Variants in NRG3 observed in about 807,000 individuals in gnomAD.
NRG3 encodes pro-neuregulin-3, membrane-bound isoform.
Under a neutral mutation model 66.9 loss-of-function variants are expected in NRG3, and 31 were observed. That is an observed-to-expected ratio of 0.46 (90% CI 0.35 to 0.63). NRG3 has a LOEUF of 0.63. Ranked by LOEUF, NRG3 falls within the 20% of genes least tolerant of loss-of-function variation. NRG3 has a pLI of 0.00. For synonymous variants in NRG3, 393 were observed against 359.4 expected (o/e 1.09, Z -1.06); for missense variants, 910 against 878.9 (o/e 1.04, Z -0.45).
intron 2 of NRG3, among the ~76,000 whole-genome samples, chr10:82,701,328 T>G (rs147293137): frequency 0.011 from 1,630 of 152,222 alleles, 25 homozygotes; most frequent in African/African-American, 0.038. Flanking sequence ...AAAATAACAT[T>G]TTATTTTCCC....
chr10:82,408,966 T>G (rs2136132832), intron 2 of NRG3, among the ~76,000 whole-genome samples: 1 of 152,260 alleles, frequency 6.6e-6, no homozygotes, highest in East Asian at 1.9e-4. Flanking sequence ...ATGCCATATA[T>G]CAGCATTATG....
At chr10:82,768,712 C>T (rs2059607847) in intron 3 of NRG3, among the ~76,000 whole-genome samples, 1 of 152,068 alleles carries the variant, frequency 6.6e-6, no homozygotes, top group Admixed American at 6.6e-5. Context: ...AAATATCTCA[C>T]TTTATTTTAA....
chr10:82,346,059 C>T (rs1296342068), intron 1 of NRG3, among the ~76,000 whole-genome samples: 1 of 150,448 alleles, frequency 6.6e-6, no homozygotes, highest in Non-Finnish European at 1.5e-5. Flanking sequence ...CCTTTATTTC[C>T]TTCTCCTGCC....
chr10:82,120,186 G>A (rs1167217356), intron 1 of NRG3, among the ~76,000 whole-genome samples: 1 of 152,034 alleles, frequency 6.6e-6, no homozygotes, highest in African/African-American at 2.4e-5. Flanking sequence ...CAGAAAGTCC[G>A]AGCCGTTTCT....
At chr10:82,916,111 A>G (rs1003366112) in intron 4 of NRG3, among the ~76,000 whole-genome samples, 10 of 152,124 alleles carry the variant, frequency 6.6e-5, no homozygotes, top group African/African-American at 1.9e-4. Flanking sequence ...TCTGAATAGA[A>G]CTGTTATGAC....
In NRG3 at chr10:82,465,682, G is replaced by T. The variant is rs187805332; in HGVS notation, c.953+106814G>T. On this transcript the variant is annotated intron_variant, in intron 2 of 8. Transcript: ENST00000372141. ...CAGGGCCCAGAACCTGGGCTCTTAG[G>T]GGGTGGGGGGCAGCAGAACAGAACA... 2.4e-3 allele frequency among the ~76,000 whole-genome samples: 358 copies of T among 152,248 alleles called. 2 individuals carry two copies. Among genetic ancestry groups the T allele is most frequent in the Non-Finnish European group, 2.7e-3 (183 of 68,026 alleles).
chr10:81,910,293 T>C (rs1028657476), intron 1 of NRG3, among the ~76,000 whole-genome samples: 3 of 152,158 alleles, frequency 2.0e-5, no homozygotes, highest in Admixed American at 6.6e-5. Flanking sequence ...GAGAAATAAC[T>C]ACTCAGGGCA....
intron 2 of NRG3, among the ~76,000 whole-genome samples, chr10:82,469,572 C>G (rs1841032531): frequency 6.6e-6 from 1 of 152,122 alleles, no homozygotes; most frequent in Non-Finnish European, 1.5e-5. Context: ...GTGATCATGG[C>G]TAGGCCATGG....
At chr10:82,728,021 T>C (rs2057698703) in intron 2 of NRG3, among the ~76,000 whole-genome samples, 3 of 152,152 alleles carry the variant, frequency 2.0e-5, no homozygotes, top group Admixed American at 2.0e-4. Context: ...TTTCTCCCAT[T>C]TGAAACAACT....
At chr10:82,391,172 A>G (rs2086339456) in intron 2 of NRG3, among the ~76,000 whole-genome samples, 1 of 152,132 alleles carries the variant, frequency 6.6e-6, no homozygotes, top group African/African-American at 2.4e-5. Context: ...CAGTGATTCA[A>G]CATGTCTGTT....
Position 82,617,339 on chromosome 10 carries a change from GAC to G in NRG3, c.954-121223_954-121222del, listed in dbSNP as rs112770194. ...GCACACATAGACACACACACACACAGACACACACACACACACCACACACATGG... is the reference window on the plus strand; with the variant it reads ...GCACACATAGACACACACACACACAGACACACACACACACCACACACATGG... On this transcript the variant is annotated intron_variant, in intron 2 of 8. Transcript: ENST00000372141. Among the ~76,000 whole-genome samples, 1,010 of 144,128 alleles carry G rather than the reference GAC, an allele frequency of 7.0e-3. 9 individuals carry two copies. Among genetic ancestry groups the G allele is most frequent in the Non-Finnish European group, 0.012 (757 of 65,240 alleles). 94.6% of individuals were successfully genotyped at this position (144,128 alleles called of 152,430 possible).
chr10:82,095,789 G>C (rs1028004319), intron 1 of NRG3, among the ~76,000 whole-genome samples: 5 of 152,184 alleles, frequency 3.3e-5, no homozygotes, highest in Non-Finnish European at 5.9e-5. Context: ...ATACTAAGCA[G>C]AGTGAATCCT....
chr10:82,277,888 A>T (rs78426582), intron 1 of NRG3, among the ~76,000 whole-genome samples: 1 of 152,102 alleles, frequency 6.6e-6, no homozygotes, highest in African/African-American at 2.4e-5. Flanking sequence ...AGAAAAATGG[A>T]TTGGTCTACC....
At chr10:82,675,613 G>A (rs1384495259) in intron 2 of NRG3, among the ~76,000 whole-genome samples, 1 of 152,136 alleles carries the variant, frequency 6.6e-6, no homozygotes, top group Non-Finnish European at 1.5e-5. Flanking sequence ...GCCTAGCCTG[G>A]TGGTCTCTCA....
chr10:82,202,977 G>A (rs1315173909), intron 1 of NRG3, among the ~76,000 whole-genome samples: 1 of 152,198 alleles, frequency 6.6e-6, no homozygotes, highest in African/African-American at 2.4e-5. Context: ...ATACACATAG[G>A]AGTATGTGTT....
intron 3 of NRG3, among the ~76,000 whole-genome samples, chr10:82,793,534 G>A (rs2060675097): frequency 6.6e-6 from 1 of 152,032 alleles, no homozygotes; most frequent in African/African-American, 2.4e-5. Flanking sequence ...TATTTATTCT[G>A]GGGAGATTTA....
At position 82,068,177 on chromosome 10, in the gene NRG3, A is replaced by C. The variant is rs538408617; in HGVS notation, c.823+192014A>C. ...ACCATCCTTCCTTTTTATAGCTTTG[A>C]GGGAATTGCAGGAACAACTACTGCA... On this transcript the variant is annotated intron_variant, in intron 1 of 8. Transcript: ENST00000372141. 6.6e-5 allele frequency among the ~76,000 whole-genome samples: 10 copies of C among 152,300 alleles called. No individual in the cohort carries two copies. In the East Asian group the frequency reaches 1.7e-3, roughly 26 times the overall value.
intron 1 of NRG3, among the ~76,000 whole-genome samples, chr10:82,163,952 G>T (rs867572550): frequency 6.9e-6 from 1 of 145,918 alleles, no homozygotes; most frequent in Non-Finnish European, 1.5e-5. Flanking sequence ...ATGGAGTCTC[G>T]CTCTGTTGCC....
At chr10:82,450,801 A>T (rs1213871481) in intron 2 of NRG3, among the ~76,000 whole-genome samples, 1 of 152,188 alleles carries the variant, frequency 6.6e-6, no homozygotes, top group East Asian at 1.9e-4. Flanking sequence ...ATCCAACAAA[A>T]ATTTCCATGT....
Sources: allele counts gnomAD v4.1 joint callset (sites outside exome capture counted in the v4.1 genomes callset), GRCh38; gene constraint gnomAD v4.1.1; transcripts MANE v1.5; gene names NCBI Gene and HGNC (gene_info 2026-07-23, HGNC 2026-07-21).